The following DYM variants were observed in gnomAD, a reference collection of about 807,000 sequenced individuals.
The protein encoded by DYM is dyggve-Melchior-Clausen syndrome protein.
A neutral mutation model predicts 93.1 loss-of-function variants in DYM; 78 were observed. The observed-to-expected ratio is 0.84, with a 90% CI of 0.70 to 1.01. The LOEUF is 1.01. DYM is among the 50% of genes least tolerant of loss of function. The pLI is 0.00. For missense variants in DYM, 789 were observed against 845.0 expected, an observed-to-expected ratio of 0.93 and a Z score of 0.82; for synonymous variants, 321 against 319.7, an observed-to-expected ratio of 1.00 and a Z score of -0.04.
At chr18:49,341,934 T>C (rs922114779) in intron 6 of DYM, among the ~76,000 whole-genome samples, 3 of 152,218 alleles carry the variant, frequency 2.0e-5, no homozygotes, top group African/African-American at 7.2e-5. Flanking sequence ...AGTTTTACAT[T>C]GCTGCCATTA....
At chr18:49,265,210 AATGATGG>A (rs2094550685) in intron 11 of DYM, among the ~76,000 whole-genome samples, 1 of 152,198 alleles carries the variant, frequency 6.6e-6, no homozygotes, top group Non-Finnish European at 1.5e-5. Context: ...TACTGGGGTC[AATGATGG>A]ATGATAAAGG....
At chr18:49,340,711 G>A (rs2064048496) in intron 6 of DYM, among the ~76,000 whole-genome samples, 1 of 152,082 alleles carries the variant, frequency 6.6e-6, no homozygotes, top group Non-Finnish European at 1.5e-5. Flanking sequence ...AACTAATCCA[G>A]GAAACAAAAG....
At chr18:49,151,142 T>C (rs1390180527) in intron 15 of DYM, among the ~76,000 whole-genome samples, 1 of 152,160 alleles carries the variant, frequency 6.6e-6, no homozygotes, top group Non-Finnish European at 1.5e-5. Flanking sequence ...ATGAATAAAT[T>C]AAGAAACAAT....
At chr18:49,218,071 A>C (rs11520418) in intron 13 of DYM, among the ~76,000 whole-genome samples, 4,201 of 152,230 alleles carry the variant, frequency 0.028, 112 homozygotes, top group Non-Finnish European at 0.039. Flanking sequence ...TCTACCAAGC[A>C]AATGGAAAAC....
intron 14 of DYM, among the ~76,000 whole-genome samples, chr18:49,168,694 T>C (rs1358233268): frequency 2.0e-5 from 3 of 152,116 alleles, no homozygotes; most frequent in Non-Finnish European, 4.4e-5. Context: ...TCAAGTCTAC[T>C]GGGATGAGAA....
At chr18:49,199,808 A>G (rs1372767377) in intron 14 of DYM, among the ~76,000 whole-genome samples, 3 of 152,230 alleles carry the variant, frequency 2.0e-5, no homozygotes, top group Non-Finnish European at 4.4e-5. Flanking sequence ...TTTAGACTGA[A>G]GATGCAATCC....
intron 17 of DYM, among the ~76,000 whole-genome samples, chr18:49,068,948 T>G (rs368445447): frequency 4.6e-5 from 7 of 152,372 alleles, no homozygotes; most frequent in African/African-American, 1.4e-4. Flanking sequence ...GGAGAAAGTT[T>G]ACAATGTCAA....
intron 13 of DYM, among the ~76,000 whole-genome samples, chr18:49,253,794 C>T (rs1221940516): frequency 6.6e-6 from 1 of 152,184 alleles, no homozygotes; most frequent in African/African-American, 2.4e-5. Flanking sequence ...AAATTCTTTT[C>T]TTCAAAATCC....
At chr18:49,346,065 T>C (rs2064567015) in intron 6 of DYM, among the ~76,000 whole-genome samples, 1 of 152,164 alleles carries the variant, frequency 6.6e-6, no homozygotes. Flanking sequence ...GTGGAAAAGT[T>C]TGGCAGTTAA....
chr18:49,419,327 C>G (rs900750095), intron 2 of DYM, among the ~76,000 whole-genome samples: 1 of 151,818 alleles, frequency 6.6e-6, no homozygotes, highest in African/African-American at 2.4e-5. Context: ...CCACTGCACT[C>G]CAGCCTGGGC....
At chr18:49,203,664 TAA>T (rs2092288182) in intron 14 of DYM, among the ~76,000 whole-genome samples, 1 of 141,224 alleles carries the variant, frequency 7.1e-6, no homozygotes, top group Admixed American at 7.1e-5. Context: ...GCATGCTCGT[TAA>T]GAGTCATCAC....
rs77167221 is a variant in DYM at position 49,357,221 on chromosome 18, A to G, written c.494+5940T>C. On this transcript the variant is annotated intron_variant, in intron 6 of 17. Transcript: ENST00000675505. ...TTCTCATCGGGGTATCTTTTTGTCT[A>G]TCTACCTCTAAGCTCTTCAAGAGTC... 3.4e-3 allele frequency among the ~76,000 whole-genome samples: 524 copies of G among 152,276 alleles called. 4 individuals carry two copies. The highest frequency in any genetic ancestry group is 0.012 in the African/African-American group (486 of 41,560).
intron 14 of DYM, among the ~76,000 whole-genome samples, chr18:49,197,266 CTAAGG>C (rs1178735350): frequency 6.7e-6 from 1 of 150,336 alleles, no homozygotes; most frequent in African/African-American, 2.4e-5. Context: ...ATGAAAATGG[CTAAGG>C]TAAGAGTTTA....
intron 15 of DYM, among the ~76,000 whole-genome samples, chr18:49,122,436 T>C (rs990323103): frequency 6.6e-6 from 1 of 152,174 alleles, no homozygotes; most frequent in African/African-American, 2.4e-5. Flanking sequence ...GCAAACCCTC[T>C]TGTGAACTGC....
chr18:49,079,339 T>C lies in DYM; in HGVS notation c.2025+18063A>G, dbSNP rs1023615592. Among the ~76,000 whole-genome samples the C allele has an allele frequency of 3.9e-5, 6 of 152,322 alleles. No homozygotes were observed. The South Asian group carries it at 1.0e-3, about 26-fold the overall frequency. On this transcript the variant is annotated intron_variant, in intron 17 of 17. Transcript: ENST00000675505. ...TTCCATTTTCTTGATTCTGTGGATG[T>C]CGGGACATTTTGGGTTGTATCCTGA... is the stretch of plus-strand genomic sequence containing the variant.
intron 13 of DYM, among the ~76,000 whole-genome samples, chr18:49,252,298 C>CCAGCA (rs2094308899): frequency 1.4e-5 from 2 of 144,564 alleles, no homozygotes; most frequent in African/African-American, 5.1e-5. Context: ...GACTCACAGT[C>CCAGCA]CAGCACAGCT....
chr18:49,223,908 T>C (rs2144166571), intron 13 of DYM, among the ~76,000 whole-genome samples: 1 of 152,262 alleles, frequency 6.6e-6, no homozygotes, highest in South Asian at 2.1e-4. Flanking sequence ...CAAGGAATTA[T>C]GCCTTCATTC....
intron 2 of DYM, among the ~76,000 whole-genome samples, chr18:49,395,628 TAA>T (rs138858038): frequency 3.7e-5 from 5 of 134,594 alleles, no homozygotes; most frequent in Admixed American, 7.5e-5. Context: ...AAACTCTGTC[TAA>T]AAAAAAAAAA....
At chr18:49,394,584 A>T (rs778540773) in intron 2 of DYM, among the ~76,000 whole-genome samples, 29 of 152,084 alleles carry the variant, frequency 1.9e-4, no homozygotes, top group Non-Finnish European at 3.8e-4. Flanking sequence ...TGGTATTTTG[A>T]TAGGGATTGC....
Sources: gnomAD v4.1 joint callset for allele counts (sites outside exome capture counted in the v4.1 genomes callset) on GRCh38, gnomAD v4.1.1 for gene constraint, MANE v1.5 for transcripts, NCBI Gene and HGNC (gene_info 2026-07-23, HGNC 2026-07-21) for gene names.